The following GRIP1 variants were observed in gnomAD, a reference collection of about 807,000 sequenced individuals.
GRIP1 encodes the protein glutamate receptor interacting protein 1.
GRIP1 carries 45 observed loss-of-function variants against 129.9 expected under a neutral mutation model. That is an observed-to-expected ratio of 0.35 (90% CI 0.27 to 0.44). GRIP1 has a LOEUF of 0.44. Ranked by LOEUF, GRIP1 falls within the 20% of genes least tolerant of loss-of-function variation. The pLI is 1.00. For missense variants in GRIP1, 1,196 were observed against 1,396.8 expected (o/e 0.86, Z 2.29); for synonymous variants, 530 against 520.8 (o/e 1.02, Z -0.24).
At chr12:66,887,530 G>A (rs545135258) in intron 1 of GRIP1, among the ~76,000 whole-genome samples, 1 of 152,232 alleles carries the variant, frequency 6.6e-6, no homozygotes, top group East Asian at 1.9e-4. Context: ...ATAAACTATA[G>A]ATATCTCCAT....
chr12:66,639,517 G>A (rs2031732940), intron 1 of GRIP1, among the ~76,000 whole-genome samples: 2 of 152,160 alleles, frequency 1.3e-5, no homozygotes, highest in African/African-American at 2.4e-5. Flanking sequence ...TCAAATTTAA[G>A]TGGATTCATT....
At chr12:66,396,127 T>C (rs1456982144) in intron 16 of GRIP1, among the ~76,000 whole-genome samples, 1 of 152,170 alleles carries the variant, frequency 6.6e-6, no homozygotes, top group Non-Finnish European at 1.5e-5. Context: ...AGTTGAACAT[T>C]AGTTACTGCT....
At chr12:66,632,559 C>T (rs531491434) in intron 1 of GRIP1, among the ~76,000 whole-genome samples, 16 of 152,252 alleles carry the variant, frequency 1.1e-4, no homozygotes, top group Admixed American at 2.0e-4. Context: ...AACCAAATTC[C>T]ATTCTAATGA....
At chr12:66,802,594 T>C (rs1286849223) in intron 1 of GRIP1, among the ~76,000 whole-genome samples, 1 of 152,156 alleles carries the variant, frequency 6.6e-6, no homozygotes, top group Non-Finnish European at 1.5e-5. Context: ...TGCAGGCATT[T>C]GAGAAATATT....
At chr12:66,857,956 C>T (rs182858012) in intron 1 of GRIP1, among the ~76,000 whole-genome samples, 7 of 152,068 alleles carry the variant, frequency 4.6e-5, no homozygotes. Context: ...TGAACTGGTG[C>T]AGCACCTTGG....
At chr12:66,454,658 C>A (rs890709320) in intron 11 of GRIP1, among the ~76,000 whole-genome samples, 4 of 152,184 alleles carry the variant, frequency 2.6e-5, no homozygotes, top group Non-Finnish European at 5.9e-5. Context: ...CCAACTATAT[C>A]TTCCTAGTTT....
At chr12:66,887,886 T>A (rs1212909421) in intron 1 of GRIP1, among the ~76,000 whole-genome samples, 1 of 152,126 alleles carries the variant, frequency 6.6e-6, no homozygotes, top group Non-Finnish European at 1.5e-5. Context: ...ATAAATTAAA[T>A]TTAGATAACA....
chr12:66,567,752 G>A, intron 2 of GRIP1: 2 of 218,432 alleles, frequency 9.2e-6, no homozygotes, highest in Non-Finnish European at 9.8e-6. Flanking sequence ...ATCCTTTGGA[G>A]AAAAAAATCA....
intron 1 of GRIP1, among the ~76,000 whole-genome samples, chr12:66,655,758 C>T (rs538456922): frequency 6.8e-4 from 104 of 152,030 alleles, no homozygotes; most frequent in African/African-American, 2.5e-3. Context: ...TACAGGTATC[C>T]GCCACTGCGC....
chr12:66,615,301 A>G lies in GRIP1; in HGVS notation c.56-18374T>C, dbSNP rs114316516. Reference sequence around the variant, plus strand: ...ATGTTTTTTGTCATAGAGTTCAAGGACTGGGAAGGGTCTTAGAAGTTATAG... The same window carrying G: ...ATGTTTTTTGTCATAGAGTTCAAGGGCTGGGAAGGGTCTTAGAAGTTATAG... On this transcript the variant is annotated intron_variant, in intron 1 of 24. Transcript: ENST00000359742. 2.1e-3 allele frequency among the ~76,000 whole-genome samples: 326 copies of G among 152,288 alleles called. 2 individuals are homozygous for G. Among genetic ancestry groups the G allele is most frequent in the African/African-American group, 7.5e-3 (310 of 41,572 alleles).
intron 14 of GRIP1, among the ~76,000 whole-genome samples, chr12:66,424,109 C>G (rs1057144044): frequency 2.0e-5 from 3 of 152,162 alleles, no homozygotes; most frequent in Non-Finnish European, 4.4e-5. Flanking sequence ...GAGTCATTTA[C>G]AAGCTTGTTC....
At chr12:66,379,819 G>A (rs1242461217) in intron 19 of GRIP1, among the ~76,000 whole-genome samples, 1 of 152,138 alleles carries the variant, frequency 6.6e-6, no homozygotes, top group African/African-American at 2.4e-5. Flanking sequence ...GCTTAGCTGA[G>A]ATCTGCCAGT....
chr12:67,012,112 T>C (rs972256548), intron 1 of GRIP1, among the ~76,000 whole-genome samples: 1 of 152,190 alleles, frequency 6.6e-6, no homozygotes, highest in East Asian at 1.9e-4. Context: ...GTTGAATGGA[T>C]AAAATCTGAA....
At chr12:66,405,675 A>G (rs754507119) in intron 16 of GRIP1, among the ~76,000 whole-genome samples, 22 of 152,230 alleles carry the variant, frequency 1.4e-4, no homozygotes, top group Non-Finnish European at 3.2e-4. Flanking sequence ...ATCAGGAATC[A>G]TAGACATTTC....
chr12:66,471,865 G>A (rs768942345), intron 7 of GRIP1, among the ~76,000 whole-genome samples: 2 of 152,194 alleles, frequency 1.3e-5, no homozygotes, highest in Admixed American at 6.5e-5. Context: ...AGAATGGGAC[G>A]AGATAATGTA....
chr12:66,543,673 ATAAAGTTAATAAT>A (rs2061857851), intron 2 of GRIP1, among the ~76,000 whole-genome samples: 1 of 152,174 alleles, frequency 6.6e-6, no homozygotes, highest in Admixed American at 6.6e-5. Context: ...TTTTTTTAAA[ATAAAGTTAATAAT>A]TAAAGTAACC....
chr12:66,570,469 G>A (rs1334715432), intron 2 of GRIP1, among the ~76,000 whole-genome samples: 3 of 152,040 alleles, frequency 2.0e-5, no homozygotes, highest in Non-Finnish European at 4.4e-5. Flanking sequence ...TAAGTCCTAG[G>A]TCCCATCTTC....
chr12:66,504,069 G>A (rs1344418700), intron 7 of GRIP1, among the ~76,000 whole-genome samples: 8 of 152,126 alleles, frequency 5.3e-5, no homozygotes, highest in Non-Finnish European at 8.8e-5. Context: ...TCAGGGAAAT[G>A]ATTTGGACAA....
At chr12:66,752,459 AT>A (rs2037158447) in intron 1 of GRIP1, among the ~76,000 whole-genome samples, 1 of 152,198 alleles carries the variant, frequency 6.6e-6, no homozygotes, top group African/African-American at 2.4e-5. Flanking sequence ...TCAAAATATC[AT>A]ATTTTCCAAG....
Sources: gnomAD v4.1 joint callset for allele counts (sites outside exome capture counted in the v4.1 genomes callset) on GRCh38, gnomAD v4.1.1 for gene constraint, MANE v1.5 for transcripts, NCBI Gene and HGNC (gene_info 2026-07-23, HGNC 2026-07-21) for gene names.